PCDHA5: variants seen among roughly 807,000 people sequenced by gnomAD.
The protein encoded by PCDHA5 is protocadherin alpha-5.
Under a neutral mutation model 61.6 loss-of-function variants are expected in PCDHA5, and 43 were observed. The ratio of observed to expected loss-of-function variants is 0.70; its 90% CI spans 0.55 to 0.90. The LOEUF is 0.90. PCDHA5 is among the 40% of genes least tolerant of loss of function. The pLI is 0.00. For missense variants in PCDHA5, 1,298 were observed against 1,222.7 expected, an observed-to-expected ratio of 1.06 and a Z score of -0.92; for synonymous variants, 627 against 543.9, an observed-to-expected ratio of 1.15 and a Z score of -2.13.
At chr5:140,971,844 C>T (rs1209652703) in intron 1 of PCDHA5, among the ~76,000 whole-genome samples, 2 of 151,920 alleles carry the variant, frequency 1.3e-5, no homozygotes, top group African/African-American at 2.4e-5. Flanking sequence ...GCAAGTCATG[C>T]GTTAAATATT....
Position 140,927,828 on chromosome 5 carries a change from G to A in PCDHA5, c.2353-51121G>A, listed in dbSNP as rs782244639. The A allele has an allele frequency of 7.4e-6, 12 of 1,614,074 alleles. No individual in the cohort carries two copies. The South Asian group carries it at 9.9e-5, about 13-fold the overall frequency. On this transcript the variant is annotated intron_variant, in intron 1 of 3. Coordinates refer to ENST00000529859, the MANE Select transcript of PCDHA5 (RefSeq NM_018908.3). ...CGCTCTTGGAGGCATACATTGAGGC[G>A]AGGGACGAAGGTGTCTTTGGTTTAG...
At chr5:140,915,107 C>T (rs1461317939) in intron 1 of PCDHA5, among the ~76,000 whole-genome samples, 1 of 151,880 alleles carries the variant, frequency 6.6e-6, no homozygotes, top group African/African-American at 2.4e-5. Flanking sequence ...CACCACAACA[C>T]CCACCTAATT....
intron 1 of PCDHA5, chr5:140,848,940 G>C: frequency 6.2e-7 from 1 of 1,607,456 alleles, no homozygotes; most frequent in Non-Finnish European, 8.5e-7. Context: ...CAGGCCGCTT[G>C]ACTCTCGGTT....
intron 1 of PCDHA5, chr5:140,842,095 A>G: frequency 6.2e-7 from 1 of 1,613,924 alleles, no homozygotes; most frequent in Non-Finnish European, 8.5e-7. Flanking sequence ...CAGACAACGG[A>G]ACAACAGTTA....
chr5:140,927,876 G>A lies in PCDHA5; in HGVS notation c.2353-51073G>A, dbSNP rs782412797. ...TAGCTAGCACCGCTAAACTGCTGGT[G>A]GAGGTGACTGACGTGAACGATCATG... On this transcript the variant is annotated intron_variant, in intron 1 of 3. Transcript: ENST00000529859. The A allele has an allele frequency of 1.9e-6, 3 of 1,614,202 alleles. No individual in the cohort carries two copies. The South Asian group carries it at 3.3e-5, about 18-fold the overall frequency.
chr5:140,831,107 C>G (rs1479291703), intron 1 of PCDHA5: 1 of 152,120 alleles, frequency 6.6e-6, no homozygotes, highest in Non-Finnish European at 1.5e-5. Context: ...AGTTATCAGC[C>G]TGAATACTTC....
intron 1 of PCDHA5, chr5:140,862,620 G>A (rs2047455093): frequency 1.9e-6 from 1 of 528,384 alleles, no homozygotes. Context: ...GTAACAACCC[G>A]CGGGGCTGCC....
chr5:140,958,617 A>C (rs2095434462), intron 1 of PCDHA5, among the ~76,000 whole-genome samples: 1 of 152,204 alleles, frequency 6.6e-6, no homozygotes, highest in Admixed American at 6.5e-5. Flanking sequence ...ATACTAGTCC[A>C]GCTTGAGAGT....
Position 140,823,887 on chromosome 5 carries a change from T to C in PCDHA5, c.2112T>C (p.Cys704=). 1.2e-6 allele frequency: 2 copies of C among 1,613,952 alleles called. No homozygotes were observed. The highest frequency in any genetic ancestry group is 1.7e-6 in the Non-Finnish European group (2 of 1,179,936). The change falls in exon 1 of 4, where the codon TGT becomes TGC. Residue 704 remains cysteine, a synonymous_variant. Coordinates refer to ENST00000529859, the MANE Select transcript of PCDHA5 (RefSeq NM_018908.3). ...ACGTGTACCTGATCATCGCCATCTGTGCGGTGTCCAGCCTGCTGGTGCTCA... is the reference window on the plus strand; with the variant it reads ...ACGTGTACCTGATCATCGCCATCTGCGCGGTGTCCAGCCTGCTGGTGCTCA... ...DVNVYLIIAI[C]AVSSLLVLTL...
intron 1 of PCDHA5, chr5:140,830,053 C>G (rs782097929): frequency 6.2e-7 from 1 of 1,613,734 alleles, no homozygotes; most frequent in Admixed American, 1.7e-5. Flanking sequence ...TGAAAGACCA[C>G]GGTGAGCCGG....
At chr5:140,982,318 G>A (rs2096977750) in intron 2 of PCDHA5, 157 bp from the exon 3 acceptor site, 3 of 1,356,910 alleles carry the variant, frequency 2.2e-6, no homozygotes, top group Non-Finnish European at 2.9e-6. Context: ...AGTTTATGCA[G>A]GGTGACTGCT....
chr5:140,920,039 G>A (rs185914290), intron 1 of PCDHA5, among the ~76,000 whole-genome samples: 1 of 152,280 alleles, frequency 6.6e-6, no homozygotes, highest in Non-Finnish European at 1.5e-5. Flanking sequence ...TTGGAGTGAT[G>A]TCAACAGCCA....
At chr5:140,972,871 C>G (rs1436283252) in intron 1 of PCDHA5, among the ~76,000 whole-genome samples, 1 of 152,030 alleles carries the variant, frequency 6.6e-6, no homozygotes, top group Non-Finnish European at 1.5e-5. Flanking sequence ...ATCATGTTGT[C>G]CAGGATGGTC....
intron 1 of PCDHA5, chr5:140,830,250 C>A (rs1435019296): frequency 1.9e-6 from 3 of 1,613,904 alleles, no homozygotes; most frequent in Non-Finnish European, 8.5e-7. Flanking sequence ...CTGTACACAG[C>A]GCTGCGGTGC....
At chr5:140,835,237 T>C (rs1271413656) in intron 1 of PCDHA5, 1 of 1,599,540 alleles carries the variant, frequency 6.3e-7, no homozygotes, top group Non-Finnish European at 8.5e-7. Context: ...TCCAGTGATG[T>C]TTCTCCAGAT....
At chr5:141,005,442 G>A (rs529691807) in intron 3 of PCDHA5, among the ~76,000 whole-genome samples, 39 of 152,092 alleles carry the variant, frequency 2.6e-4, no homozygotes, top group Middle Eastern at 3.4e-3. Context: ...AGAGGCTCAC[G>A]CCTGTAATCC....
intron 1 of PCDHA5, chr5:140,842,539 G>A (rs182995378): frequency 1.2e-6 from 2 of 1,610,436 alleles, no homozygotes; most frequent in African/African-American, 1.3e-5. Context: ...ATTACTACTC[G>A]TTGGTGCTGG....
chr5:140,890,550 C>A (rs1162286556), intron 1 of PCDHA5, among the ~76,000 whole-genome samples: 1 of 151,958 alleles, frequency 6.6e-6, no homozygotes, highest in Admixed American at 6.6e-5. Context: ...TGACTGAGTA[C>A]TTTTTATTGT....
intron 1 of PCDHA5, among the ~76,000 whole-genome samples, chr5:140,947,404 T>G (rs1305199507): frequency 6.6e-6 from 1 of 151,736 alleles, no homozygotes; most frequent in Non-Finnish European, 1.5e-5. Flanking sequence ...GTAGACTGTC[T>G]TGATATTGTA....
Sources: gnomAD v4.1 joint callset for allele counts (sites outside exome capture counted in the v4.1 genomes callset) on GRCh38, gnomAD v4.1.1 for gene constraint, MANE v1.5 for transcripts, NCBI Gene and HGNC (gene_info 2026-07-23, HGNC 2026-07-21) for gene names.